TRAPPC9: variants seen among roughly 807,000 people sequenced by gnomAD.
TRAPPC9 encodes the protein trafficking protein particle complex subunit 9.
TRAPPC9 carries 83 observed loss-of-function variants against 124.0 expected under a neutral mutation model. The observed-to-expected ratio is 0.67, with a 90% confidence interval of 0.56 to 0.80. The LOEUF is 0.80. TRAPPC9 is among the 30% of genes least tolerant of loss of function. The pLI, the probability that TRAPPC9 is intolerant of heterozygous loss-of-function variation, is 0.00. For missense variants in TRAPPC9, 1,302 were observed against 1,508.3 expected, an observed-to-expected ratio of 0.86 and a Z score of 2.27; for synonymous variants, 638 against 617.5, an observed-to-expected ratio of 1.03 and a Z score of -0.49.
At chr8:140,341,551 C>T (rs943651168) in intron 9 of TRAPPC9, among the ~76,000 whole-genome samples, 1 of 152,148 alleles carries the variant, frequency 6.6e-6, no homozygotes, top group Non-Finnish European at 1.5e-5. Context: ...GAATGGATAG[C>T]TTCAGTTTGC....
In TRAPPC9 at chr8:139,988,708, G is replaced by A. The variant is rs370425230; in HGVS notation, c.2810+18C>T. On this transcript the variant is annotated intron_variant, in intron 19 of 22. Coordinates refer to ENST00000438773, the MANE Select transcript of TRAPPC9 (RefSeq NM_001160372.4). ...AGAGGGTGGCCTGCGGCGGCGCGAG[G>A]GTCTATGGGACACTTACCGCTGGCA... The A allele has an allele frequency of 7.2e-6, 11 of 1,523,808 alleles. No homozygotes were observed. In the East Asian group the frequency reaches 7.4e-5, roughly 10 times the overall value. The allele number at this position is 1,523,808 out of a possible 1,614,324, so 94.4% of individuals were successfully genotyped here.
At chr8:139,937,038 A>C (rs1244241313) in intron 19 of TRAPPC9, among the ~76,000 whole-genome samples, 1 of 142,888 alleles carries the variant, frequency 7.0e-6, no homozygotes, top group African/African-American at 2.7e-5. Flanking sequence ...TAAAGCATGG[A>C]GAGAGTGGGG....
chr8:140,423,786 G>T (rs144245661), intron 5 of TRAPPC9, among the ~76,000 whole-genome samples: 1 of 151,880 alleles, frequency 6.6e-6, no homozygotes, highest in African/African-American at 2.4e-5. Flanking sequence ...ATATTATTCT[G>T]CAAGAAGAAA....
chr8:140,410,198 A>G (rs1201473319), intron 5 of TRAPPC9, among the ~76,000 whole-genome samples: 1 of 150,360 alleles, frequency 6.7e-6, no homozygotes, highest in Admixed American at 6.6e-5. Flanking sequence ...TTCTCTGGGT[A>G]ACCCTTTTTA....
At chr8:139,944,865 G>A (rs142057135) in intron 19 of TRAPPC9, among the ~76,000 whole-genome samples, 353 of 152,324 alleles carry the variant, frequency 2.3e-3, no homozygotes, top group African/African-American at 8.2e-3. Context: ...GCTCATGCCT[G>A]TAATCCCAGC....
intron 18 of TRAPPC9, chr8:140,008,657 C>T (rs913310694): frequency 6.6e-6 from 1 of 152,256 alleles, no homozygotes; most frequent in East Asian, 1.9e-4. Context: ...GAGTAAACTC[C>T]GCCCTCACCT....
chr8:139,950,517 T>C (rs1834565853), intron 19 of TRAPPC9, among the ~76,000 whole-genome samples: 4 of 152,220 alleles, frequency 2.6e-5, no homozygotes. Context: ...TTAAGCAAGA[T>C]AACCAGTTGG....
At chr8:140,344,255 C>T (rs758291692) in intron 9 of TRAPPC9, among the ~76,000 whole-genome samples, 1 of 152,188 alleles carries the variant, frequency 6.6e-6, no homozygotes, top group Non-Finnish European at 1.5e-5. Context: ...CTTCCAGCCC[C>T]CCGAGCTGTG....
chr8:140,307,044 A>C (rs1162010070), intron 10 of TRAPPC9, among the ~76,000 whole-genome samples: 2 of 152,154 alleles, frequency 1.3e-5, no homozygotes, highest in African/African-American at 4.8e-5. Context: ...CCTTGCAGCC[A>C]TGTGGTTTGC....
chr8:139,829,760 G>A (rs1563845812), intron 21 of TRAPPC9, among the ~76,000 whole-genome samples: 1 of 152,246 alleles, frequency 6.6e-6, no homozygotes, highest in Non-Finnish European at 1.5e-5. Context: ...AATGCAGAAA[G>A]AATGGACATC....
intron 17 of TRAPPC9, among the ~76,000 whole-genome samples, chr8:140,053,386 A>G (rs914207453): frequency 6.6e-6 from 1 of 152,204 alleles, no homozygotes; most frequent in African/African-American, 2.4e-5. Flanking sequence ...TCCTTGTACA[A>G]CTGATTTTTA....
intron 19 of TRAPPC9, among the ~76,000 whole-genome samples, chr8:139,917,960 C>A (rs769156112): frequency 6.6e-6 from 1 of 152,206 alleles, no homozygotes; most frequent in Non-Finnish European, 1.5e-5. Context: ...GCCAGAGGTC[C>A]GTTCTGCAAA....
chr8:139,772,183 CAT>C (rs2130452181), intron 21 of TRAPPC9, among the ~76,000 whole-genome samples: 1 of 152,360 alleles, frequency 6.6e-6, no homozygotes, highest in East Asian at 1.9e-4. Context: ...CACGTGTGCA[CAT>C]GTGCTTACAC....
chr8:140,357,267 G>A (rs2067781422), intron 9 of TRAPPC9, among the ~76,000 whole-genome samples: 2 of 152,108 alleles, frequency 1.3e-5, no homozygotes, highest in Admixed American at 1.3e-4. Flanking sequence ...GGACAGGGGA[G>A]GTGCACCGGC....
intron 21 of TRAPPC9, among the ~76,000 whole-genome samples, chr8:139,821,381 T>C (rs1040307864): frequency 1.3e-5 from 2 of 152,252 alleles, no homozygotes. Context: ...GCCACGTGGA[T>C]GCTGCAGCCT....
chr8:140,120,803 T>C (rs2060973076), intron 17 of TRAPPC9, among the ~76,000 whole-genome samples: 1 of 151,396 alleles, frequency 6.6e-6, no homozygotes, highest in Non-Finnish European at 1.5e-5. Flanking sequence ...CATCCATCCA[T>C]CCATTCATCC....
intron 11 of TRAPPC9, among the ~76,000 whole-genome samples, chr8:140,293,573 G>A (rs574753826): frequency 1.5e-3 from 230 of 152,248 alleles, no homozygotes; most frequent in African/African-American, 4.8e-3. Flanking sequence ...TAGGGACATG[G>A]ATGAAATTGG....
In TRAPPC9 at chr8:139,728,455, G is replaced by C. The variant is rs561703644; in HGVS notation, c.*2606C>G. On this transcript the variant is annotated 3_prime_UTR_variant, in exon 23 of 23. Transcript: ENST00000438773. The stretch of plus-strand genomic sequence containing the variant: ...ACTGTATTGCCAGGTAGCCAGTAGC[G>C]TGGGGCCCTGGAAGAGGCTGGAGGA... Among the ~76,000 whole-genome samples the C allele has an allele frequency of 1.3e-5, 2 of 152,342 alleles. No homozygotes were observed. Among genetic ancestry groups the C allele is most frequent in the African/African-American group, 4.8e-5 (2 of 41,572 alleles).
intron 17 of TRAPPC9, among the ~76,000 whole-genome samples, chr8:140,046,045 G>A (rs905530169): frequency 6.6e-6 from 1 of 151,782 alleles, no homozygotes; most frequent in Non-Finnish European, 1.5e-5. Context: ...ATCTAGATGG[G>A]AGGATGGGAC....
Sources: allele counts gnomAD v4.1 joint callset (sites outside exome capture counted in the v4.1 genomes callset), GRCh38; gene constraint gnomAD v4.1.1; transcripts MANE v1.5; gene names NCBI Gene and HGNC (gene_info 2026-07-23, HGNC 2026-07-21).